Variants in SHROOM2 observed in about 807,000 individuals in gnomAD.
SHROOM2 encodes protein Shroom2.
Under a neutral mutation model 75.9 loss-of-function variants are expected in SHROOM2, and 33 were observed. The observed-to-expected ratio is 0.43, with a 90% CI of 0.33 to 0.58. The LOEUF (loss-of-function observed/expected upper bound fraction) is 0.58. Ranked by LOEUF, SHROOM2 falls within the 20% of genes least tolerant of loss-of-function variation. The pLI is 0.04. For synonymous variants in SHROOM2, 655 were observed against 663.6 expected (o/e 0.99, Z 0.20); for missense variants, 1,434 against 1,461.2 (o/e 0.98, Z 0.30).
At chrX:9,862,010 G>A (rs1210767052) in intron 1 of SHROOM2, among the ~76,000 whole-genome samples, 1 of 111,717 alleles carries the variant, frequency 9.0e-6, no homozygotes, top group African/African-American at 3.3e-5. Flanking sequence ...GCGGGATTTC[G>A]TGGACTGACC....
intron 1 of SHROOM2, among the ~76,000 whole-genome samples, chrX:9,827,148 G>C (rs1382796791): frequency 1.8e-5 from 2 of 109,924 alleles, no homozygotes; most frequent in African/African-American, 6.6e-5. Context: ...TGATTCTAAA[G>C]AACACCAGGA....
chrX:9,920,946 A>G (rs773833451), intron 5 of SHROOM2, among the ~76,000 whole-genome samples: 45 of 112,369 alleles, frequency 4.0e-4, no homozygotes, highest in African/African-American at 1.5e-3. Context: ...CTAAACATTT[A>G]TTATCTCATA....
intron 5 of SHROOM2, among the ~76,000 whole-genome samples, chrX:9,905,234 G>A (rs1248841564): frequency 8.9e-6 from 1 of 112,377 alleles, no homozygotes; most frequent in Non-Finnish European, 1.9e-5. Context: ...GGTCCTTGCA[G>A]TTAGTCTCAG....
Position 9,894,562 on chromosome X carries a change from C to T in SHROOM2, c.654C>T (p.Ser218=). 2.5e-6 allele frequency: 3 copies of T among 1,211,811 alleles called. No individual in the cohort carries two copies. Among genetic ancestry groups the T allele is most frequent in the African/African-American group, 1.7e-5 (1 of 57,822 alleles). ...ACGGCTCCTTCTCCACCAGCTCTAG[C>T]ACTCCTGACCACACCTTGTCCAAAG... ...SAYGSFSTSS[S]TPDHTLSKAD... The change falls in exon 4 of 10, where the codon AGC becomes AGT. Residue 218 remains serine, a synonymous_variant. Transcript: ENST00000380913.
At chrX:9,924,206 G>C (rs765530917) in intron 5 of SHROOM2, among the ~76,000 whole-genome samples, 6 of 112,223 alleles carry the variant, frequency 5.3e-5, no homozygotes, top group African/African-American at 1.3e-4. Context: ...GAGCCTGTGA[G>C]AACAGCTGTG....
rs946633284 is a variant in SHROOM2, at chrX:9,797,647, C to T, written c.165+10937C>T. Among the ~76,000 whole-genome samples, 9 of 112,307 alleles carry T rather than the reference C, an allele frequency of 8.0e-5. No homozygotes were observed. In the East Asian group the frequency reaches 1.7e-3, roughly 21 times the overall value. On this transcript the variant is annotated intron_variant, in intron 1 of 9. Transcript: ENST00000380913. The stretch of plus-strand genomic sequence containing the variant: ...ATTGGCGTCTTTCCACCTCCTTACC[C>T]TTTTCTCTCAGCTGGTAATTTATTC...
At position 9,894,546 on chromosome X, in the gene SHROOM2, T is replaced by C. The variant is rs780605131; in HGVS notation, c.638T>C (p.Phe213Ser). 1 of 1,210,839 alleles carries C rather than the reference T, an allele frequency of 8.3e-7. No individual in the cohort carries two copies. Residue 213 changes from phenylalanine to serine, a missense_variant, in exon 4 of 10, where the codon TTC (phenylalanine) becomes TCC (serine). Around this residue, in one of 3 missense-constraint regions of SHROOM2, gnomAD observed 1,340 missense variants for 1,338.3 expected, o/e 1.00. Transcript: ENST00000380913. Reference protein sequence around the residue: ...HSKRDSAYGSFSTSSSTPDHT... With the variant: ...HSKRDSAYGSSSTSSSTPDHT... ...AAGCGCGACTCGGCCTACGGCTCCTTCTCCACCAGCTCTAGCACTCCTGAC... is the reference window on the plus strand; with the variant it reads ...AAGCGCGACTCGGCCTACGGCTCCTCCTCCACCAGCTCTAGCACTCCTGAC...
In SHROOM2 at chrX:9,891,074, G is replaced by A. The variant is rs780040880; in HGVS notation, c.415G>A (p.Gly139Ser). The A allele has an allele frequency of 1.8e-5, 22 of 1,204,408 alleles. No homozygotes were observed. Among genetic ancestry groups the A allele is most frequent in the Non-Finnish European group, 2.1e-5 (19 of 892,500 alleles). ...LAASPFTSTSGCPSWSGRHHA... is the reference protein window; with the variant it reads ...LAASPFTSTSSCPSWSGRHHA... ...GGCCTCCCCATTCACCTCCACCAGC[G>A]GCTGTCCTTCCTGGTCCGGCCGACA... Residue 139 changes from glycine to serine, a missense_variant, in exon 3 of 10, where the codon GGC becomes AGC. Physicochemically the swap from Gly to Ser is moderately conservative, Grantham distance 56. Coordinates refer to ENST00000380913, the MANE Select transcript of SHROOM2 (RefSeq NM_001649.4).
intron 1 of SHROOM2, among the ~76,000 whole-genome samples, chrX:9,808,506 G>A (rs145154339): frequency 7.2e-5 from 8 of 110,446 alleles, no homozygotes; most frequent in Non-Finnish European, 1.3e-4. Context: ...CTATCATTAC[G>A]GCACTGTACT....
At position 9,868,727 on chromosome X, in the gene SHROOM2, CTTTTTTTTTTTTTTT is replaced by C. The variant is rs56343437; in HGVS notation, c.166-4910_166-4896del. ...CACCATATCTGGCTAATTTTTTACC[CTTTTTTTTTTTTTTT>C]TTTTTTTTTTTTTTGTAGAGACAGG... is the stretch of plus-strand genomic sequence containing the variant. On this transcript the variant is annotated intron_variant, in intron 1 of 9. Coordinates refer to ENST00000380913, the MANE Select transcript of SHROOM2 (RefSeq NM_001649.4). 3.2e-3 allele frequency among the ~76,000 whole-genome samples: 92 copies of C among 28,720 alleles called. No individual in the cohort carries two copies. The South Asian group carries it at 0.062, about 20-fold the overall frequency. The allele number at this position is 28,720 out of a possible 115,157, so 24.9% of individuals were successfully genotyped here.
intron 1 of SHROOM2, among the ~76,000 whole-genome samples, chrX:9,844,888 C>T (rs780184466): frequency 2.7e-5 from 3 of 111,594 alleles, no homozygotes; most frequent in African/African-American, 9.8e-5. Flanking sequence ...AAGTTCTTGG[C>T]GAATTGGTGT....
chrX:9,899,857 C>G (rs180878538), intron 5 of SHROOM2, among the ~76,000 whole-genome samples: 3,191 of 112,516 alleles, frequency 0.028, 85 homozygotes, highest in East Asian at 0.098. Flanking sequence ...TGAGGCTGGC[C>G]GTGCAGTGCA....
At chrX:9,824,415 G>A (rs2083877802) in intron 1 of SHROOM2, among the ~76,000 whole-genome samples, 1 of 111,418 alleles carries the variant, frequency 9.0e-6, no homozygotes, top group Admixed American at 9.5e-5. Flanking sequence ...TCCAGCCTGG[G>A]AGACAAGAGC....
intron 1 of SHROOM2, among the ~76,000 whole-genome samples, chrX:9,836,021 C>T (rs2083942286): frequency 8.9e-6 from 1 of 112,242 alleles, no homozygotes; most frequent in East Asian, 2.8e-4. Flanking sequence ...CTTCTTCGCA[C>T]CCCTGAGCAC....
rs889596393 is a variant in SHROOM2 at position 9,949,269 on chromosome X, G to A, written c.*2332G>A. ...GTTGTTGGGTGGCAGCTGCTCCTTC[G>A]CCCTCTTGTAGTGTGGCTGTGGAGG... On this transcript the variant is annotated 3_prime_UTR_variant, in exon 10 of 10. Coordinates refer to ENST00000380913, the MANE Select transcript of SHROOM2 (RefSeq NM_001649.4). 21 of 314,334 alleles carry A rather than the reference G, an allele frequency of 6.7e-5. No individual in the cohort carries two copies. Among genetic ancestry groups the A allele is most frequent in the Admixed American group, 2.4e-4 (7 of 29,777 alleles). The allele number at this position is 314,334 out of a possible 1,213,427, so 25.9% of individuals were successfully genotyped here.
At chrX:9,898,436 C>G (rs1310813643) in intron 5 of SHROOM2, 146 bp downstream of exon 5, 1 of 475,886 alleles carries the variant, frequency 2.1e-6, no homozygotes. Context: ...TCTAGCATCC[C>G]TGACGTACTG....
chrX:9,809,031 G>A (rs776563726), intron 1 of SHROOM2, among the ~76,000 whole-genome samples: 2 of 109,460 alleles, frequency 1.8e-5, no homozygotes, highest in East Asian at 5.7e-4. Context: ...ACATCCATTA[G>A]TACTCCCTCC....
chrX:9,827,738 G>T (rs2083895526), intron 1 of SHROOM2, among the ~76,000 whole-genome samples: 1 of 110,692 alleles, frequency 9.0e-6, no homozygotes, highest in African/African-American at 3.3e-5. Context: ...GGGAAAGTAA[G>T]TGGTGCTGCT....
intron 7 of SHROOM2, 42 bp downstream of exon 7, chrX:9,937,727 G>A: frequency 9.4e-7 from 1 of 1,061,248 alleles, no homozygotes; most frequent in Non-Finnish European, 1.3e-6. Flanking sequence ...GACTCTGCCT[G>A]GCATCTCTTA....
Sources: gnomAD v4.1 joint callset for allele counts (sites outside exome capture counted in the v4.1 genomes callset) on GRCh38, gnomAD v4.1.1 for gene constraint, gnomAD v4.1.1 regional missense constraint, MANE v1.5 for transcripts, NCBI Gene and HGNC (gene_info 2026-07-23, HGNC 2026-07-21) for gene names.